The following BANK1 variants were observed in gnomAD, a reference collection of about 807,000 sequenced individuals.
BANK1 encodes B cell scaffold protein with ankyrin repeats 1.
In BANK1, 95 loss-of-function variants were observed where a neutral mutation model predicts 94.5. That is an observed-to-expected ratio of 1.00 (90% CI 0.85 to 1.19). The LOEUF (loss-of-function observed/expected upper bound fraction) is 1.19, where lower values mean the gene tolerates loss of function less well. BANK1 is among the 50% of genes most tolerant of loss of function. The pLI, the probability that BANK1 is intolerant of heterozygous loss-of-function variation, is 0.00. For synonymous variants in BANK1, 334 were observed against 308.4 expected (o/e 1.08, Z -0.87); for missense variants, 987 against 932.2 (o/e 1.06, Z -0.77).
At chr4:101,815,269 G>A (rs1003729779) in intron 1 of BANK1, among the ~76,000 whole-genome samples, 26 of 152,004 alleles carry the variant, frequency 1.7e-4, no homozygotes, top group Admixed American at 5.2e-4. Flanking sequence ...TAAAATTGGG[G>A]GACTGACTAC....
intron 1 of BANK1, among the ~76,000 whole-genome samples, chr4:101,812,940 A>G (rs541872496): frequency 6.6e-6 from 1 of 152,226 alleles, no homozygotes; most frequent in South Asian, 2.1e-4. Flanking sequence ...TCCTAATATG[A>G]CACCTGGAAT....
intron 1 of BANK1, among the ~76,000 whole-genome samples, chr4:101,824,200 T>C (rs1726279457): frequency 6.6e-6 from 1 of 152,190 alleles, no homozygotes; most frequent in African/African-American, 2.4e-5. Context: ...ACTAAATCCC[T>C]GGAGCTAATG....
At chr4:102,071,156 T>G in intron 13 of BANK1, 119 bp from the exon 14 acceptor site, 6 of 1,153,456 alleles carry the variant, frequency 5.2e-6, no homozygotes, top group Non-Finnish European at 7.7e-6. Context: ...GATCAGAATG[T>G]GAGATTTCAT....
intron 1 of BANK1, among the ~76,000 whole-genome samples, chr4:101,829,198 A>G (rs1726507131): frequency 6.6e-6 from 1 of 152,140 alleles, no homozygotes; most frequent in African/African-American, 2.4e-5. Context: ...CTGGAGCCTG[A>G]TTGTTTCACA....
chr4:101,855,602 TC>T, intron 3 of BANK1, among the ~76,000 whole-genome samples: 1 of 152,342 alleles, frequency 6.6e-6, no homozygotes, highest in Admixed American at 6.5e-5. Flanking sequence ...AACTGTGACT[TC>T]ACATTTTGCA....
intron 6 of BANK1, among the ~76,000 whole-genome samples, chr4:101,909,090 A>T (rs1722567230): frequency 1.3e-5 from 2 of 152,222 alleles, no homozygotes; most frequent in Non-Finnish European, 2.9e-5. Context: ...TCATGCTGCT[A>T]GAAAGACACA....
intron 5 of BANK1, among the ~76,000 whole-genome samples, chr4:101,891,992 C>T (rs1292812799): frequency 6.6e-6 from 1 of 151,568 alleles, no homozygotes; most frequent in Non-Finnish European, 1.5e-5. Flanking sequence ...ACATCTTTGT[C>T]CTCTTGGTGT....
intron 1 of BANK1, among the ~76,000 whole-genome samples, chr4:101,806,768 A>G (rs1725568562): frequency 6.6e-6 from 1 of 152,188 alleles, no homozygotes; most frequent in Admixed American, 6.5e-5. Context: ...AAGGCCCCAT[A>G]ATCTTATGCA....
rs17031827 is a variant in BANK1, at chr4:101,935,594, A to G, written c.1206+17405A>G. 4.6e-3 allele frequency among the ~76,000 whole-genome samples: 705 copies of G among 151,702 alleles called. 13 individuals are homozygous for G. The East Asian group carries it at 0.056, about 12-fold the overall frequency. The stretch of plus-strand genomic sequence containing the variant: ...CACATTTATTATTTAATTTATCATC[A>G]AATGCTATTGAAAATCTTATCTATG... On this transcript the variant is annotated intron_variant, in intron 7 of 16. Coordinates refer to ENST00000322953, the MANE Select transcript of BANK1 (RefSeq NM_017935.5).
chr4:102,074,278 C>G lies in BANK1; in HGVS notation c.*279C>G, dbSNP rs1470743764. 1 of 152,154 alleles carries G rather than the reference C, an allele frequency of 6.6e-6. No individual in the cohort carries two copies. Among genetic ancestry groups the G allele is most frequent in the Non-Finnish European group, 1.5e-5 (1 of 68,034 alleles). 9.4% of individuals were successfully genotyped at this position (152,154 alleles called of 1,614,324 possible). Reference sequence around the variant, plus strand: ...CTTCACCAATGAAACAGCTAATTTCCATTTTGAAAATTAAAAGAAAACAGC... The same window carrying G: ...CTTCACCAATGAAACAGCTAATTTCGATTTTGAAAATTAAAAGAAAACAGC... On this transcript the variant is annotated 3_prime_UTR_variant, in exon 17 of 17. Transcript: ENST00000322953.
At chr4:101,806,103 A>G (rs924013313) in intron 1 of BANK1, among the ~76,000 whole-genome samples, 1 of 152,062 alleles carries the variant, frequency 6.6e-6, no homozygotes, top group East Asian at 1.9e-4. Flanking sequence ...TTTTTCTAAA[A>G]TAATACATGA....
intron 5 of BANK1, among the ~76,000 whole-genome samples, chr4:101,883,199 T>C (rs1474145004): frequency 6.6e-6 from 1 of 152,238 alleles, no homozygotes; most frequent in Non-Finnish European, 1.5e-5. Context: ...TCAGATTTAA[T>C]GATTATATTC....
intron 14 of BANK1, 98 bp from the exon 15 acceptor site, chr4:102,072,247 T>A (rs1394205816): frequency 9.4e-6 from 10 of 1,067,072 alleles, no homozygotes; most frequent in Non-Finnish European, 1.4e-5. Context: ...TTCACCCATA[T>A]CTTACCTTTG....
At chr4:101,944,902 T>G (rs985929522) in intron 7 of BANK1, among the ~76,000 whole-genome samples, 1 of 152,004 alleles carries the variant, frequency 6.6e-6, no homozygotes, top group African/African-American at 2.4e-5. Flanking sequence ...ATGCTGGGAA[T>G]GCTCTTGTGC....
chr4:102,038,548 T>C (rs1727598848), intron 10 of BANK1, among the ~76,000 whole-genome samples: 2 of 152,112 alleles, frequency 1.3e-5, no homozygotes, highest in Admixed American at 1.3e-4. Flanking sequence ...AGTTGTTCAA[T>C]ACATGCTGCC....
rs60332581 is a variant in BANK1, at chr4:101,792,976, C to A, written c.70+2026C>A. Among the ~76,000 whole-genome samples the A allele has an allele frequency of 8.2e-3, 1,254 of 152,152 alleles. 17 individuals carry two copies. Among genetic ancestry groups the A allele is most frequent in the African/African-American group, 0.029 (1,195 of 41,512 alleles). ...AAAGAGAGATTCTTCCTGTTGTATT[C>A]CAAAACTAATGATTTTAAAAATTTA... On this transcript the variant is annotated intron_variant, in intron 1 of 16. Coordinates refer to ENST00000322953, the MANE Select transcript of BANK1 (RefSeq NM_017935.5).
chr4:101,909,351 T>C (rs1027307915), intron 6 of BANK1, among the ~76,000 whole-genome samples: 1 of 151,944 alleles, frequency 6.6e-6, no homozygotes, highest in Admixed American at 6.6e-5. Context: ...ATGAGAACAC[T>C]TGGACACAGG....
rs376933355 is a variant in BANK1, at chr4:102,007,146, T to TTATATATATATATATATATATATA, written c.1207-14367_1207-14344dup. Among the ~76,000 whole-genome samples, 100 of 37,888 alleles carry TTATATATATATATATATATATATA rather than the reference T, an allele frequency of 2.6e-3. 1 individual carries two copies. The highest frequency in any genetic ancestry group is 5.7e-3 in the Non-Finnish European group (84 of 14,616). The allele number at this position is 37,888 out of a possible 152,430, so 24.9% of individuals were successfully genotyped here. A position where few individuals can be genotyped will look rare whatever the true frequency, so the allele number is the denominator to read the frequency against. On this transcript the variant is annotated intron_variant, in intron 7 of 16. Coordinates refer to ENST00000322953, the MANE Select transcript of BANK1 (RefSeq NM_017935.5). ...TTTATATATATATAAAAAATATATT[T>TTATATATATATATATATATATATA]TATATATATATATATATATATATAA...
intron 7 of BANK1, among the ~76,000 whole-genome samples, chr4:101,919,956 T>G (rs558905428): frequency 6.6e-6 from 1 of 152,138 alleles, no homozygotes; most frequent in South Asian, 2.1e-4. Flanking sequence ...GGAAAAATGT[T>G]TCCTGTCAAT....
Sources: gnomAD v4.1 joint callset for allele counts (sites outside exome capture counted in the v4.1 genomes callset) on GRCh38, gnomAD v4.1.1 for gene constraint, MANE v1.5 for transcripts, NCBI Gene and HGNC (gene_info 2026-07-23, HGNC 2026-07-21) for gene names.